The following NXPH1 variants were observed in gnomAD, a reference collection of about 807,000 sequenced individuals.
NXPH1 encodes neurexophilin 1.
Under a neutral mutation model 23.7 loss-of-function variants are expected in NXPH1, and 5 were observed. That is an observed-to-expected ratio of 0.21 (90% confidence interval 0.11 to 0.44). The LOEUF is 0.44. Ranked by LOEUF, NXPH1 falls within the 20% of genes least tolerant of loss-of-function variation. The pLI is 0.99. For synonymous variants in NXPH1, 144 were observed against 122.2 expected (o/e 1.18, Z -1.18); for missense variants, 324 against 321.6 (o/e 1.01, Z -0.06).
At chr7:8,578,033 A>T (rs893623242) in intron 2 of NXPH1, among the ~76,000 whole-genome samples, 5 of 152,124 alleles carry the variant, frequency 3.3e-5, no homozygotes, top group Non-Finnish European at 5.9e-5. Context: ...TAACCACACT[A>T]CTTTTACATT....
At chr7:8,551,556 G>A (rs1313780468) in intron 2 of NXPH1, among the ~76,000 whole-genome samples, 1 of 151,418 alleles carries the variant, frequency 6.6e-6, no homozygotes, top group African/African-American at 2.4e-5. Flanking sequence ...AAAATACTGT[G>A]TTTAAATAAA....
intron 2 of NXPH1, among the ~76,000 whole-genome samples, chr7:8,532,408 T>C (rs190987712): frequency 2.0e-5 from 3 of 149,122 alleles, no homozygotes; most frequent in Non-Finnish European, 4.5e-5. Flanking sequence ...TTGTACCCTG[T>C]TGGTTTCTTA....
intron 2 of NXPH1, among the ~76,000 whole-genome samples, chr7:8,652,994 C>T (rs1439996550): frequency 6.6e-6 from 1 of 152,136 alleles, no homozygotes; most frequent in African/African-American, 2.4e-5. Context: ...CCCACCTCCA[C>T]CCTATTTTCT....
At chr7:8,510,015 A>C (rs1817587797) in intron 2 of NXPH1, among the ~76,000 whole-genome samples, 1 of 152,164 alleles carries the variant, frequency 6.6e-6, no homozygotes, top group Non-Finnish European at 1.5e-5. Context: ...CACTGTTTCA[A>C]AGTCACTAGC....
chr7:8,445,600 T>A (rs1816390553), intron 2 of NXPH1, among the ~76,000 whole-genome samples: 2 of 152,220 alleles, frequency 1.3e-5, no homozygotes, highest in African/African-American at 4.8e-5. Context: ...AAGAGGTTAT[T>A]GGCACAAAAA....
intron 2 of NXPH1, among the ~76,000 whole-genome samples, chr7:8,567,676 A>T (rs1048492357): frequency 2.6e-5 from 4 of 151,932 alleles, no homozygotes; most frequent in Non-Finnish European, 4.4e-5. Context: ...TGAGTATTCA[A>T]TGCCACCAGA....
chr7:8,540,012 G>A (rs1175251042), intron 2 of NXPH1, among the ~76,000 whole-genome samples: 2 of 151,748 alleles, frequency 1.3e-5, no homozygotes, highest in East Asian at 3.9e-4. Context: ...GATTTTGATA[G>A]TCTCATTTAG....
At chr7:8,592,904 G>A (rs889190549) in intron 2 of NXPH1, among the ~76,000 whole-genome samples, 17 of 151,392 alleles carry the variant, frequency 1.1e-4, no homozygotes, top group Non-Finnish European at 2.9e-5. Flanking sequence ...ACAAAAACAG[G>A]CACTGGGCAG....
chr7:8,745,274 T>C (rs888664545), intron 2 of NXPH1, among the ~76,000 whole-genome samples: 2 of 152,212 alleles, frequency 1.3e-5, no homozygotes, highest in Non-Finnish European at 2.9e-5. Flanking sequence ...GTATACATTG[T>C]GGAATGGCTA....
intron 2 of NXPH1, among the ~76,000 whole-genome samples, chr7:8,744,621 G>C (rs550673732): frequency 6.6e-6 from 1 of 152,242 alleles, no homozygotes; most frequent in East Asian, 1.9e-4. Flanking sequence ...CAGACCTTCA[G>C]ATCCTTGTTC....
intron 2 of NXPH1, among the ~76,000 whole-genome samples, chr7:8,570,868 A>G (rs1013686891): frequency 6.6e-6 from 1 of 151,820 alleles, no homozygotes; most frequent in African/African-American, 2.4e-5. Flanking sequence ...AAAGAGTCAT[A>G]AGGAGATCTT....
intron 2 of NXPH1, among the ~76,000 whole-genome samples, chr7:8,692,615 C>G (rs1821239421): frequency 6.6e-6 from 1 of 152,140 alleles, no homozygotes; most frequent in African/African-American, 2.4e-5. Flanking sequence ...TGGAAAAGTG[C>G]TACTCAACCT....
chr7:8,553,171 C>T (rs1204067507), intron 2 of NXPH1, among the ~76,000 whole-genome samples: 1 of 151,508 alleles, frequency 6.6e-6, no homozygotes, highest in African/African-American at 2.4e-5. Flanking sequence ...AAAAGCAGAG[C>T]TGGACAAACA....
chr7:8,656,679 G>C (rs147000286), intron 2 of NXPH1, among the ~76,000 whole-genome samples: 5,551 of 151,756 alleles, frequency 0.037, 302 homozygotes, highest in East Asian at 0.17. Context: ...ATCTCCCAAT[G>C]CTATCCCTCC....
chr7:8,542,974 A>G (rs1374698054), intron 2 of NXPH1, among the ~76,000 whole-genome samples: 4 of 151,580 alleles, frequency 2.6e-5, no homozygotes, highest in Non-Finnish European at 1.5e-5. Flanking sequence ...TTGCATTGCA[A>G]ATACAGCCTA....
intron 2 of NXPH1, among the ~76,000 whole-genome samples, chr7:8,716,235 C>T (rs1779876773): frequency 6.6e-6 from 1 of 152,164 alleles, no homozygotes; most frequent in Non-Finnish European, 1.5e-5. Flanking sequence ...TTTTATATTA[C>T]ACTCCTCAAA....
At chr7:8,535,263 C>CA (rs979789765) in intron 2 of NXPH1, among the ~76,000 whole-genome samples, 2 of 150,698 alleles carry the variant, frequency 1.3e-5, no homozygotes, top group Non-Finnish European at 3.0e-5. Flanking sequence ...TTTGTACCAA[C>CA]AAAAAAAAGG....
chr7:8,715,426 T>C (rs1779861924), intron 2 of NXPH1, among the ~76,000 whole-genome samples: 1 of 152,066 alleles, frequency 6.6e-6, no homozygotes, highest in South Asian at 2.1e-4. Context: ...GTGCTTTTAT[T>C]GTGTAGATAG....
At chr7:8,627,611 A>G (rs1207624362) in intron 2 of NXPH1, among the ~76,000 whole-genome samples, 2 of 152,180 alleles carry the variant, frequency 1.3e-5, no homozygotes, top group Admixed American at 6.6e-5. Context: ...AGAAATGATT[A>G]TAGATCATGA....
Sources: gnomAD v4.1 joint callset for allele counts (sites outside exome capture counted in the v4.1 genomes callset) on GRCh38, gnomAD v4.1.1 for gene constraint, MANE v1.5 for transcripts, NCBI Gene and HGNC (gene_info 2026-07-23, HGNC 2026-07-21) for gene names.